UPF3B: variants seen among roughly 807,000 people sequenced by gnomAD.
UPF3B encodes regulator of nonsense transcripts 3B.
In UPF3B, 7 loss-of-function variants were observed where a neutral mutation model predicts 40.3. That is an observed-to-expected ratio of 0.17 (90% CI 0.10 to 0.33). UPF3B has a LOEUF of 0.33. UPF3B is among the 10% of genes least tolerant of loss of function. The pLI is 1.00. For missense variants in UPF3B, 229 were observed against 358.9 expected (o/e 0.64, Z 2.93); for synonymous variants, 117 against 117.3 (o/e 1.00, Z 0.01).
In UPF3B at chrX:119,846,888, G is replaced by A. The variant is rs138838647; in HGVS notation, c.371-1592C>T. On this transcript the variant is annotated intron_variant, in intron 3 of 10. Coordinates refer to ENST00000276201, the MANE Select transcript of UPF3B (RefSeq NM_080632.3). ...TGCAAATTATATTATCTGATAAGGGGTAATATCGAGAATATATAAAGAACT... is the reference window on the plus strand; with the variant it reads ...TGCAAATTATATTATCTGATAAGGGATAATATCGAGAATATATAAAGAACT... Among the ~76,000 whole-genome samples the A allele has an allele frequency of 1.4e-3, 161 of 112,184 alleles. 1 individual carries two copies. In the East Asian group the frequency reaches 0.027, roughly 19 times the overall value.
intron 5 of UPF3B, among the ~76,000 whole-genome samples, chrX:119,809,763 CATT>C (rs1270957196): frequency 9.0e-6 from 1 of 111,228 alleles, no homozygotes; most frequent in Non-Finnish European, 1.9e-5. Context: ...GGTACTAACG[CATT>C]ATAAAATGTC....
chrX:119,827,932 C>T (rs1248196289), intron 3 of UPF3B, among the ~76,000 whole-genome samples: 1 of 109,858 alleles, frequency 9.1e-6, no homozygotes, highest in Non-Finnish European at 1.9e-5. Flanking sequence ...GATGAGGTTT[C>T]ACCATGTTGG....
At chrX:119,842,601 C>CACAT (rs774205196) in intron 5 of UPF3B, among the ~76,000 whole-genome samples, 1 of 91,078 alleles carries the variant, frequency 1.1e-5, no homozygotes, top group South Asian at 5.2e-4. Flanking sequence ...CACACACACA[C>CACAT]ACATACACAC....
intron 3 of UPF3B, among the ~76,000 whole-genome samples, chrX:119,849,007 T>C (rs2056268988): frequency 1.8e-5 from 2 of 111,871 alleles, no homozygotes; most frequent in Admixed American, 9.6e-5. Context: ...AAGTGACTAA[T>C]GGGAAAAAAA....
At chrX:119,850,426 G>A (rs73609964) in intron 3 of UPF3B, among the ~76,000 whole-genome samples, 4,646 of 111,967 alleles carry the variant, frequency 0.041, 236 homozygotes, top group African/African-American at 0.14. Context: ...GAATAAAATA[G>A]TTGGAGTGGA....
chrX:119,824,846 A>C (rs1043556387), intron 3 of UPF3B, among the ~76,000 whole-genome samples: 17 of 102,263 alleles, frequency 1.7e-4, no homozygotes, highest in Non-Finnish European at 3.1e-4. Flanking sequence ...TGCTCACTGC[A>C]ACCGCCGCCT....
At chrX:119,835,158 G>A (rs1000854493) in intron 10 of UPF3B, 131 bp from the exon 11 acceptor site, 11 of 722,930 alleles carry the variant, frequency 1.5e-5, no homozygotes, top group East Asian at 1.0e-4. Flanking sequence ...GTGAGGGCAC[G>A]GTAAATGACA....
At chrX:119,831,689 C>T, downstream of UPF3B, 10 of 754,232 alleles carry the variant, frequency 1.3e-5, no homozygotes, top group South Asian at 6.7e-5. Context: ...ATAGTTGGTG[C>T]TGTCATCAGG....
At chrX:119,832,840 A>G (rs1458411657), downstream of UPF3B, among the ~76,000 whole-genome samples, 2 of 111,769 alleles carry the variant, frequency 1.8e-5, no homozygotes, top group Non-Finnish European at 3.8e-5. Context: ...AATTAAAGAT[A>G]ACATCTGTGA....
intron 4 of UPF3B, among the ~76,000 whole-genome samples, chrX:119,819,842 CTTTTTTTTTT>C (rs34094727): frequency 1.1e-3 from 75 of 68,613 alleles, no homozygotes; most frequent in Non-Finnish European, 1.5e-3. Context: ...TCTATTTTTC[CTTTTTTTTTT>C]TTTTTTTTTT....
rs1050623469 is a variant in UPF3B, at chrX:119,810,007, C to A, written c.603-2426G>T. Among the ~76,000 whole-genome samples, 3 of 111,750 alleles carry A rather than the reference C, an allele frequency of 2.7e-5. No homozygotes were observed. In the Admixed American group the frequency reaches 2.9e-4, roughly 11 times the overall value. On this transcript the variant is annotated intron_variant, in intron 5 of 6. Transcript: ENST00000636792. The stretch of plus-strand genomic sequence containing the variant: ...AAAATAGTTAATTTGTAAGAAAGGA[C>A]AAGACGATGCTGAAGATGAAGCCTG...
At chrX:119,824,564 GCTTCT>G (rs750254239) in intron 3 of UPF3B, among the ~76,000 whole-genome samples, 23 of 110,450 alleles carry the variant, frequency 2.1e-4, no homozygotes, top group East Asian at 5.7e-4. Context: ...CAGGAGAATT[GCTTCT>G]CTTAAGGCCA....
At chrX:119,841,046 A>T (rs1277945520) in intron 7 of UPF3B, 30 bp downstream of exon 7, 2 of 1,204,919 alleles carry the variant, frequency 1.7e-6, no homozygotes, top group Admixed American at 4.4e-5. Context: ...AATTTTTAGC[A>T]ACATGCAGTC....
At chrX:119,848,957 A>G (rs1312824428) in intron 3 of UPF3B, among the ~76,000 whole-genome samples, 1 of 111,834 alleles carries the variant, frequency 8.9e-6, no homozygotes. Flanking sequence ...AAGAGGATGA[A>G]TTTTATTATA....
rs760965145 is a variant in UPF3B, at chrX:119,824,419, C to T, written c.393-1376G>A. ...GAAATTGAAGAGGGTGGGGTGGGGA[C>T]GTGTGGTTTATCCAGAGCTGGACAG... On this transcript the variant is annotated intron_variant, in intron 3 of 6. Transcript: ENST00000636792. 1.7e-4 allele frequency among the ~76,000 whole-genome samples: 17 copies of T among 102,070 alleles called. No homozygotes were observed. In the East Asian group the frequency reaches 3.1e-3, roughly 18 times the overall value. The allele number at this position is 102,070 out of a possible 115,157, so 88.6% of individuals were successfully genotyped here.
chrX:119,815,270 C>T (rs945407130), exon 5 of UPF3B: 4 of 792,118 alleles, frequency 5.0e-6, no homozygotes, highest in African/African-American at 2.3e-5. Context: ...ACCTTGGCTT[C>T]GAGCTCCTGG....
chrX:119,826,334 A>G (rs2055978443), intron 3 of UPF3B, among the ~76,000 whole-genome samples: 1 of 108,578 alleles, frequency 9.2e-6, no homozygotes, highest in South Asian at 4.1e-4. Flanking sequence ...TACAAAAACT[A>G]GCCGGGCCTG....
At chrX:119,851,930 G>A in intron 1 of UPF3B, 57 bp from the exon 2 acceptor site, 2 of 812,095 alleles carry the variant, frequency 2.5e-6, no homozygotes, top group Non-Finnish European at 3.7e-6. Context: ...TGTCATACCT[G>A]AAAGAATCAC....
chrX:119,844,423 G>C (rs986377722), intron 4 of UPF3B, among the ~76,000 whole-genome samples: 1 of 111,173 alleles, frequency 9.0e-6, no homozygotes, highest in African/African-American at 3.3e-5. Flanking sequence ...CAGAAAATAG[G>C]AGTGACAACT....
Sources: allele counts gnomAD v4.1 joint callset (sites outside exome capture counted in the v4.1 genomes callset), GRCh38; gene constraint gnomAD v4.1.1; transcripts MANE v1.5; gene names NCBI Gene and HGNC (gene_info 2026-07-23, HGNC 2026-07-21).